The following DDX23 variants were observed in gnomAD, a reference collection of about 807,000 sequenced individuals.
The protein encoded by DDX23 is DEAD-box helicase 23.
DDX23 carries 33 observed loss-of-function variants against 102.7 expected under a neutral mutation model. That is an observed-to-expected ratio of 0.32 (90% CI 0.24 to 0.43). DDX23 has a LOEUF of 0.43. Among genes scored for constraint, DDX23 ranks in the 20% least tolerant of loss-of-function variants. DDX23 has a pLI of 1.00. For missense variants in DDX23, 549 were observed against 1,086.6 expected (o/e 0.51, Z 6.96); for synonymous variants, 352 against 376.0 (o/e 0.94, Z 0.74).
rs1004002421 is a variant in DDX23, at chr12:48,837,715, A to G, written c.620-58T>C. 6.9e-6 allele frequency: 11 copies of G among 1,603,312 alleles called. 2 individuals are homozygous for G. In the Admixed American group the frequency reaches 1.6e-4, roughly 23 times the overall value. On this transcript the variant is annotated intron_variant, in intron 6 of 16. Transcript: ENST00000308025. ...GCTCATGGAAGAAAAGAGGAGAGGG[A>G]ATGGAGGGAATCCAGACGAGGAACC...
chr12:48,837,090 G>C, intron 8 of DDX23, 53 bp from the exon 9 acceptor site: 1 of 1,609,816 alleles, frequency 6.2e-7, no homozygotes. Context: ...ACGGCAGTAG[G>C]AAGGAAGGGC....
intron 1 of DDX23, 37 bp from the exon 2 acceptor site, chr12:48,845,819 G>A: frequency 6.3e-7 from 1 of 1,598,790 alleles, no homozygotes; most frequent in Non-Finnish European, 8.5e-7. Context: ...AATGTACTAG[G>A]CACTGCTCTA....
intron 1 of DDX23, among the ~76,000 whole-genome samples, chr12:48,850,890 G>A (rs1938745167): frequency 6.6e-6 from 1 of 152,082 alleles, no homozygotes. Flanking sequence ...AGTGGAATGA[G>A]TTTGGAAGAG....
At chr12:48,839,784 A>C in intron 5 of DDX23, 60 bp downstream of exon 5, 1 of 1,552,856 alleles carries the variant, frequency 6.4e-7, no homozygotes, top group Non-Finnish European at 8.8e-7. Context: ...GAAGTCACCC[A>C]GTCTGTGGTA....
At chr12:48,837,462 G>A in intron 7 of DDX23, 62 bp downstream of exon 7, 1 of 1,612,832 alleles carries the variant, frequency 6.2e-7, no homozygotes, top group Non-Finnish European at 8.5e-7. Flanking sequence ...GATCACAATG[G>A]CCAAATAACT....
intron 3 of DDX23, among the ~76,000 whole-genome samples, chr12:48,842,456 T>G (rs1191862859): frequency 2.0e-5 from 2 of 98,704 alleles, no homozygotes; most frequent in Admixed American, 1.1e-4. Context: ...GGTAGGGGGG[T>G]CAGCCCCCCG....
rs757539828 is a variant in DDX23 at position 48,844,045 on chromosome 12, CGTT to C, written c.212_214del (p.Glu71_Arg72delinsGly). The C allele has an allele frequency of 1.9e-6, 3 of 1,614,090 alleles. No homozygotes were observed. In the East Asian group the frequency reaches 6.7e-5, roughly 36 times the overall value. ...ATCTCGTTCTCGTTCTTTGTGCCGT[CGTT>C]CTCTGGAAGACCGCAAATTTAAGAG... On this transcript the variant is annotated inframe_deletion and splice_region_variant, in exon 3 of 17. Transcript: ENST00000308025.
rs749464947 is a variant in DDX23 at position 48,839,863 on chromosome 12, T to A, written c.461A>T (p.Glu154Val). The A allele has an allele frequency of 1.9e-6, 3 of 1,614,242 alleles. No homozygotes were observed. Among genetic ancestry groups the A allele is most frequent in the Non-Finnish European group, 2.5e-6 (3 of 1,180,044 alleles). The change falls in exon 5 of 17, where the codon GAG (glutamate) becomes GTG (valine). Residue 154 changes from glutamate to valine, a missense_variant. Glu to Val is a moderately radical substitution (Grantham distance 121). This residue lies in a region of DDX23 where 241 missense variants were observed against 267.0 expected (regional missense o/e 0.90). Coordinates refer to ENST00000308025, the MANE Select transcript of DDX23 (RefSeq NM_004818.3). ...LEELLAKKKAEEEAEAKPKFL... is the reference protein window; with the variant it reads ...LEELLAKKKAVEEAEAKPKFL... ...ACTTACCTTAGCCTCAGCTTCTTCCTCAGCCTTTTTCTTGGCCAGAAGCTC... is the reference window on the plus strand; with the variant it reads ...ACTTACCTTAGCCTCAGCTTCTTCCACAGCCTTTTTCTTGGCCAGAAGCTC...
chr12:48,841,665 G>C (rs2137489573), intron 3 of DDX23, among the ~76,000 whole-genome samples: 1 of 152,350 alleles, frequency 6.6e-6, no homozygotes, highest in East Asian at 1.9e-4. Context: ...GTTTCGCTGT[G>C]TTGGCCGGGC....
chr12:48,834,470 A>G lies in DDX23; in HGVS notation c.1410T>C (p.Tyr470=). ...DRIEESDQGP[Y]AIILAPTREL... is the part of the protein sequence containing the mutation. ...CACGGGTGGGAGCCAGGATGATGGC[A>G]TAAGGGCCTTGGTCTGACTCTTCGA... Residue 470 remains tyrosine, a synonymous_variant, in exon 12 of 17, where the codon TAT becomes TAC. Coordinates refer to ENST00000308025, the MANE Select transcript of DDX23 (RefSeq NM_004818.3). 6.2e-7 allele frequency: 1 copy of G among 1,614,128 alleles called. No individual in the cohort carries two copies.
At chr12:48,839,366 CTGGACAACG>C (rs981295584) in intron 5 of DDX23, 1 of 155,164 alleles carries the variant, frequency 6.4e-6, no homozygotes, top group Non-Finnish European at 1.4e-5. Context: ...CGAGACCAGC[CTGGACAACG>C]TGGTGAAATC....
Position 48,840,116 on chromosome 12 carries a change from A to G in DDX23, c.321-10T>C, listed in dbSNP as rs992029683. 3 of 1,608,078 alleles carry G rather than the reference A, an allele frequency of 1.9e-6. No homozygotes were observed. Among genetic ancestry groups the G allele is most frequent in the East Asian group, 2.2e-5 (1 of 44,872 alleles). On this transcript the variant is annotated splice_polypyrimidine_tract_variant and intron_variant, in intron 3 of 16. Transcript: ENST00000308025. ...TCGACCAGGAGATAAGCTTTGAGGA[A>G]AAGGAACAAGGTCCACATCACTCTT...
chr12:48,837,463 CCAAA>C, intron 7 of DDX23, 57 bp downstream of exon 7: 4 of 1,612,782 alleles, frequency 2.5e-6, no homozygotes, highest in Non-Finnish European at 3.4e-6. Flanking sequence ...ATCACAATGG[CCAAA>C]TAACTAAACC....
chr12:48,834,509 AG>A lies in DDX23; in HGVS notation c.1383-13del. On this transcript the variant is annotated splice_polypyrimidine_tract_variant and intron_variant, in intron 11 of 16. Transcript: ENST00000308025. ...CTGACTCTTCGATCCTGTGGTAAAC[AG>A]GGTGCCCCACAGCTTCGTGAGCTTT... 2 of 1,610,580 alleles carry A rather than the reference AG, an allele frequency of 1.2e-6. No individual in the cohort carries two copies. The highest frequency in any genetic ancestry group is 1.7e-6 in the Non-Finnish European group (2 of 1,178,288).
intron 15 of DDX23, 192 bp downstream of exon 15, chr12:48,831,886 A>C: frequency 1.7e-6 from 1 of 603,636 alleles, no homozygotes; most frequent in Non-Finnish European, 2.9e-6. Context: ...TTACTGCAGC[A>C]GACAGGGGGT....
chr12:48,832,313 A>C lies in DDX23; in HGVS notation c.1955+109T>G. On this transcript the variant is annotated intron_variant, in intron 14 of 16. Transcript: ENST00000308025. The surrounding 1 kb of genome is among the most constrained non-coding windows in gnomAD (Gnocchi z 4.4). ...ATGACATTCTGCCCAAGAAAACAGC[A>C]GCTCTTCAACACAGCAGAGCAATTG... is the stretch of plus-strand genomic sequence containing the variant. The C allele has an allele frequency of 6.5e-7, 1 of 1,547,964 alleles. No individual in the cohort carries two copies. The highest frequency in any genetic ancestry group is 8.8e-7 in the Non-Finnish European group (1 of 1,131,984).
rs768671678 is a variant in DDX23, at chr12:48,830,422, A to C, written c.*47T>G. 6.2e-7 allele frequency: 1 copy of C among 1,601,884 alleles called. No individual in the cohort carries two copies. Among genetic ancestry groups the C allele is most frequent in the East Asian group, 2.2e-5 (1 of 44,832 alleles). ...GATGTGAGGGTTCTGAAAAACAGGC[A>C]TCAGGCAGCTTTGGAGATGCCCTCA... On this transcript the variant is annotated 3_prime_UTR_variant, in exon 17 of 17. Coordinates refer to ENST00000308025, the MANE Select transcript of DDX23 (RefSeq NM_004818.3). This position sits in a 1 kb window ranked among gnomAD's most constrained non-coding sequence, Gnocchi z 4.9.
rs1938409140 is a variant in DDX23, at chr12:48,832,702, C to A, written c.1804-129G>T. 1 of 1,189,622 alleles carries A rather than the reference C, an allele frequency of 8.4e-7. No homozygotes were observed. 73.7% of individuals were successfully genotyped at this position (1,189,622 alleles called of 1,614,324 possible). A position where few individuals can be genotyped will look rare whatever the true frequency, so the allele number is the denominator to read the frequency against. Reference sequence around the variant, plus strand: ...ACAGTATAGGCTTTGATAGCCACCACCTTAGAAAATAGTGTCCTCTGAATT... The same window carrying A: ...ACAGTATAGGCTTTGATAGCCACCAACTTAGAAAATAGTGTCCTCTGAATT... On this transcript the variant is annotated intron_variant, in intron 13 of 16. Coordinates refer to ENST00000308025, the MANE Select transcript of DDX23 (RefSeq NM_004818.3). The surrounding 1 kb of genome is among the most constrained non-coding windows in gnomAD (Gnocchi z 4.4).
At chr12:48,839,051 A>C (rs1465802095) in intron 5 of DDX23, among the ~76,000 whole-genome samples, 1 of 151,926 alleles carries the variant, frequency 6.6e-6, no homozygotes, top group African/African-American at 2.4e-5. Context: ...AATTTTTAAA[A>C]TTTTATAGAG....
Sources: gnomAD v4.1 joint callset for allele counts (sites outside exome capture counted in the v4.1 genomes callset) on GRCh38, gnomAD v4.1.1 for gene constraint, gnomAD v4.1.1 regional missense constraint, Gnocchi (gnomAD v3.1) non-coding constraint, MANE v1.5 for transcripts, NCBI Gene and HGNC (gene_info 2026-07-23, HGNC 2026-07-21) for gene names.